WIPF2: variants seen among roughly 807,000 people sequenced by gnomAD.
WIPF2 encodes the protein WAS/WASL interacting protein family member 2.
In WIPF2, 23 loss-of-function variants were observed where a neutral mutation model predicts 38.8. The observed-to-expected ratio is 0.59, with a 90% CI of 0.43 to 0.84. The LOEUF (loss-of-function observed/expected upper bound fraction) is 0.84. WIPF2 is among the 40% of genes least tolerant of loss of function. The pLI is 0.00. For synonymous variants in WIPF2, 210 were observed against 223.2 expected (o/e 0.94, Z 0.53); for missense variants, 574 against 580.5 (o/e 0.99, Z 0.11).
rs557400381 is a variant in WIPF2, at chr17:40,222,581, G to A, written c.-70+3089G>A. 1.9e-3 allele frequency among the ~76,000 whole-genome samples: 276 copies of A among 148,294 alleles called. 1 individual carries two copies. Among genetic ancestry groups the A allele is most frequent in the Non-Finnish European group, 2.8e-3 (190 of 67,252 alleles). On this transcript the variant is annotated intron_variant, in intron 1 of 7. Transcript: ENST00000323571. ...TCCTCTTAGCCTTGCTCATGTGTGT[G>A]TGTGTTTGTGTGTGTGTGTGTGTGT...
rs929856800 is a variant in WIPF2 at position 40,279,816 on chromosome 17, C to T, written c.*1591C>T. 6.7e-5 allele frequency: 10 copies of T among 148,744 alleles called. No individual in the cohort carries two copies. The highest frequency in any genetic ancestry group is 2.5e-4 in the African/African-American group (10 of 39,682). The allele number at this position is 148,744 out of a possible 1,614,324, so 9.2% of individuals were successfully genotyped here. On this transcript the variant is annotated 3_prime_UTR_variant, in exon 8 of 8. Transcript: ENST00000323571. ...TTAATCACGAGATTGCGCCACTGCACTCCAGCCTGGGCGACAGAGCCAGAC... is the reference window on the plus strand; with the variant it reads ...TTAATCACGAGATTGCGCCACTGCATTCCAGCCTGGGCGACAGAGCCAGAC...
intron 2 of WIPF2, 22 bp from the exon 3 acceptor site, chr17:40,260,512 CT>C (rs1480890582): frequency 6.2e-7 from 1 of 1,612,444 alleles, no homozygotes; most frequent in Non-Finnish European, 8.5e-7. Context: ...TTAGGGTGAA[CT>C]TATATTTCTC....
At chr17:40,237,941 C>T (rs2031041701) in intron 1 of WIPF2, among the ~76,000 whole-genome samples, 1 of 150,632 alleles carries the variant, frequency 6.6e-6, no homozygotes, top group African/African-American at 2.4e-5. Context: ...TGACGTGCGC[C>T]TGTAATCCCA....
intron 5 of WIPF2, among the ~76,000 whole-genome samples, chr17:40,266,121 G>A (rs999877986): frequency 6.6e-6 from 1 of 151,272 alleles, no homozygotes; most frequent in Non-Finnish European, 1.5e-5. Context: ...ATATAGATAA[G>A]AAGAGGCCTA....
intron 6 of WIPF2, among the ~76,000 whole-genome samples, chr17:40,276,480 C>T (rs1256104905): frequency 7.4e-6 from 1 of 135,816 alleles, no homozygotes; most frequent in African/African-American, 2.7e-5. Context: ...AAGATCATGC[C>T]ACCGCACCCC....
chr17:40,242,339 A>G (rs112436794), intron 1 of WIPF2, among the ~76,000 whole-genome samples: 7 of 152,150 alleles, frequency 4.6e-5, no homozygotes, highest in South Asian at 2.1e-4. Context: ...TTGCACTGCA[A>G]TCTGGGTTGT....
rs554078462 is a variant in WIPF2 at position 40,268,727 on chromosome 17, G to A, written c.970+3581G>A. On this transcript the variant is annotated intron_variant, in intron 5 of 7. Transcript: ENST00000323571. ...ATTACAGATGTGAGCAATTGTACCT[G>A]GCTAGAGCAGCAATTCTTAAGAGTG... Among the ~76,000 whole-genome samples, 12 of 152,176 alleles carry A rather than the reference G, an allele frequency of 7.9e-5. No homozygotes were observed. The East Asian group carries it at 2.3e-3, about 29-fold the overall frequency.
intron 5 of WIPF2, among the ~76,000 whole-genome samples, chr17:40,269,600 CTTTTTTTTT>C (rs1018733815): frequency 9.1e-5 from 10 of 109,806 alleles, no homozygotes; most frequent in Non-Finnish European, 1.3e-4. Flanking sequence ...AAAACACTGT[CTTTTTTTTT>C]TTTTTTTTTT....
intron 2 of WIPF2, among the ~76,000 whole-genome samples, 189 bp downstream of exon 2, chr17:40,256,711 G>T (rs995848218): frequency 6.6e-6 from 1 of 151,988 alleles, no homozygotes; most frequent in African/African-American, 2.4e-5. Flanking sequence ...GGATACTTAG[G>T]GCTTCCTTGT....
chr17:40,263,372 G>A (rs1435234537), intron 4 of WIPF2, among the ~76,000 whole-genome samples: 1 of 152,012 alleles, frequency 6.6e-6, no homozygotes, highest in Non-Finnish European at 1.5e-5. Context: ...CTGACAGTAG[G>A]CGTTGCTCAG....
chr17:40,264,733 C>T lies in WIPF2; in HGVS notation c.557C>T (p.Ala186Val). Reference protein sequence around the residue: ...APPPPPPGRRANAPPTPLPMH... With the variant: ...APPPPPPGRRVNAPPTPLPMH... ...CCCCCACCACCCCCAGGGCGGCGTG[C>T]CAACGCACCCCCCACACCTCTGCCT... Residue 186 changes from alanine (A) to valine (V), a missense_variant, in exon 5 of 8, where the codon GCC becomes GTC. Coordinates refer to ENST00000323571, the MANE Select transcript of WIPF2 (RefSeq NM_133264.5). 6.3e-7 allele frequency: 1 copy of T among 1,598,732 alleles called. No homozygotes were observed. Among genetic ancestry groups the T allele is most frequent in the Non-Finnish European group, 8.5e-7 (1 of 1,172,482 alleles).
At chr17:40,246,156 G>A (rs1232180742) in intron 1 of WIPF2, among the ~76,000 whole-genome samples, 1 of 148,780 alleles carries the variant, frequency 6.7e-6, no homozygotes. Flanking sequence ...GCGTGATCTC[G>A]GCTCACTGCA....
intron 1 of WIPF2, among the ~76,000 whole-genome samples, chr17:40,220,706 G>A (rs890062226): frequency 8.8e-5 from 13 of 146,936 alleles, no homozygotes; most frequent in African/African-American, 3.3e-4. Context: ...GGGCTCAAGT[G>A]ATCCTCCTGT....
At chr17:40,220,631 A>AT (rs1202946562) in intron 1 of WIPF2, 5 of 123,990 alleles carry the variant, frequency 4.0e-5, no homozygotes, top group East Asian at 2.2e-4. Flanking sequence ...ATATATATAT[A>AT]TTTTTTTGTT....
chr17:40,265,570 A>G (rs922271367), intron 5 of WIPF2, among the ~76,000 whole-genome samples: 2 of 152,176 alleles, frequency 1.3e-5, no homozygotes, highest in Non-Finnish European at 2.9e-5. Context: ...AGTGGGAACA[A>G]CAAATGCAGA....
At chr17:40,230,869 T>C (rs746525679) in intron 1 of WIPF2, among the ~76,000 whole-genome samples, 4 of 152,210 alleles carry the variant, frequency 2.6e-5, no homozygotes, top group Admixed American at 6.6e-5. Context: ...ACCCATCATC[T>C]AGGCCATATG....
At chr17:40,264,360 C>T in intron 4 of WIPF2, 130 bp from the exon 5 acceptor site, 2 of 286,118 alleles carry the variant, frequency 7.0e-6, no homozygotes, top group Non-Finnish European at 1.3e-5. Context: ...AAAAGAAAAA[C>T]AAAAAACCCA....
At chr17:40,274,026 A>AT (rs2032318731) in intron 6 of WIPF2, 27 bp downstream of exon 6, 1 of 1,504,986 alleles carries the variant, frequency 6.6e-7, no homozygotes, top group Non-Finnish European at 8.9e-7. Flanking sequence ...CTGTAGTCTC[A>AT]TGGTTCCTGC....
intron 5 of WIPF2, among the ~76,000 whole-genome samples, chr17:40,272,817 C>T (rs1346575961): frequency 1.3e-5 from 2 of 152,150 alleles, no homozygotes; most frequent in African/African-American, 2.4e-5. Flanking sequence ...AGGAACTGCT[C>T]TGACATCAAG....
Sources: allele counts gnomAD v4.1 joint callset (sites outside exome capture counted in the v4.1 genomes callset), GRCh38; gene constraint gnomAD v4.1.1; transcripts MANE v1.5; gene names NCBI Gene and HGNC (gene_info 2026-07-23, HGNC 2026-07-21).